The following PLCH1 variants were observed in gnomAD, a reference collection of about 807,000 sequenced individuals.
The protein encoded by PLCH1 is phospholipase C eta 1, also known as 1-phosphatidylinositol 4,5-bisphosphate phosphodiesterase eta-1.
Under a neutral mutation model 126.7 loss-of-function variants are expected in PLCH1, and 60 were observed. That is an observed-to-expected ratio of 0.47 (90% CI 0.38 to 0.59). PLCH1 has a LOEUF of 0.59. PLCH1 is among the 20% of genes least tolerant of loss of function. The pLI is 0.00. For synonymous variants in PLCH1, 719 were observed against 734.9 expected (o/e 0.98, Z 0.35); for missense variants, 1,723 against 2,040.0 (o/e 0.84, Z 2.99).
intron 2 of PLCH1, among the ~76,000 whole-genome samples, chr3:155,639,256 C>T (rs1229298083): frequency 3.3e-5 from 5 of 151,904 alleles, no homozygotes; most frequent in East Asian, 3.9e-4. Context: ...CCCAGGAGTT[C>T]GAGACCAGCC....
At chr3:155,700,040 C>A (rs1241314816) in intron 2 of PLCH1, among the ~76,000 whole-genome samples, 1 of 152,186 alleles carries the variant, frequency 6.6e-6, no homozygotes, top group Admixed American at 6.5e-5. Context: ...ACACAGAGAC[C>A]TCACACCTTG....
At chr3:155,581,612 G>C (rs1255890681) in intron 6 of PLCH1, among the ~76,000 whole-genome samples, 1 of 152,112 alleles carries the variant, frequency 6.6e-6, no homozygotes, top group Non-Finnish European at 1.5e-5. Context: ...AATCAATAGA[G>C]ACAGAAATAT....
In PLCH1 at chr3:155,673,745, G is replaced by A. The variant is rs16825245; in HGVS notation, c.79+30401C>T. On this transcript the variant is annotated intron_variant, in intron 2 of 22. Coordinates refer to ENST00000460012, the MANE Select transcript of PLCH1 (RefSeq NM_014996.4). Reference sequence around the variant, plus strand: ...CTTCCTGCTCAGAAATCTAGGACTCGCTCTTACGTTGACATCTACCCTTCC... The same window carrying A: ...CTTCCTGCTCAGAAATCTAGGACTCACTCTTACGTTGACATCTACCCTTCC... Among the ~76,000 whole-genome samples, 773 of 152,138 alleles carry A rather than the reference G, an allele frequency of 5.1e-3. 22 individuals are homozygous for A. The highest frequency in any genetic ancestry group is 0.033 in the East Asian group (169 of 5,174).
intron 21 of PLCH1, among the ~76,000 whole-genome samples, chr3:155,469,551 G>C (rs1247429106): frequency 6.6e-6 from 1 of 152,250 alleles, no homozygotes; most frequent in Non-Finnish European, 1.5e-5. Flanking sequence ...CAGCCAGGAA[G>C]CTCAAACTGG....
intron 2 of PLCH1, among the ~76,000 whole-genome samples, chr3:155,689,451 A>G (rs1048009688): frequency 2.0e-5 from 3 of 152,124 alleles, no homozygotes; most frequent in Admixed American, 6.5e-5. Flanking sequence ...CCAGGGACCA[A>G]TTCTGGAGAA....
intron 2 of PLCH1, among the ~76,000 whole-genome samples, chr3:155,703,758 GCCA>G (rs1746447186): frequency 6.6e-6 from 1 of 152,160 alleles, no homozygotes; most frequent in East Asian, 1.9e-4. Flanking sequence ...AATTTGGAAG[GCCA>G]TGCTATGCTG....
chr3:155,467,537 G>A (rs1267963716), intron 21 of PLCH1, among the ~76,000 whole-genome samples: 1 of 151,008 alleles, frequency 6.6e-6, no homozygotes, highest in Non-Finnish European at 1.5e-5. Context: ...TCATGCCATT[G>A]CACTCCAGCA....
downstream of PLCH1, among the ~76,000 whole-genome samples, chr3:155,477,775 G>C (rs1229180452): frequency 6.6e-6 from 1 of 152,074 alleles, no homozygotes; most frequent in Non-Finnish European, 1.5e-5. Flanking sequence ...TGGAGAAAAG[G>C]GAACCATTGT....
At chr3:155,578,910 C>T (rs1313776751) in intron 6 of PLCH1, among the ~76,000 whole-genome samples, 2 of 152,094 alleles carry the variant, frequency 1.3e-5, no homozygotes, top group Non-Finnish European at 2.9e-5. Context: ...TTAAAGTGAC[C>T]ATCAGCACCT....
Position 155,497,427 on chromosome 3 carries a change from AC to A in PLCH1, c.1797-11del. The A allele has an allele frequency of 6.3e-7, 1 of 1,578,714 alleles. No homozygotes were observed. Among genetic ancestry groups the A allele is most frequent in the Non-Finnish European group, 8.7e-7 (1 of 1,147,976 alleles). On this transcript the variant is annotated splice_polypyrimidine_tract_variant and intron_variant, in intron 14 of 22. Transcript: ENST00000460012. ...CCTTCGGCGACCCAATCTGTGAAGT[AC>A]CCACAGAGGATGCATGACATTTTGG... is the stretch of plus-strand genomic sequence containing the variant.
intron 2 of PLCH1, among the ~76,000 whole-genome samples, chr3:155,653,718 C>T (rs1741046254): frequency 6.6e-6 from 1 of 152,140 alleles, no homozygotes; most frequent in Non-Finnish European, 1.5e-5. Flanking sequence ...CTTCTAATTT[C>T]ACCAATAGAA....
chr3:155,521,241 A>G (rs940500568), intron 11 of PLCH1, among the ~76,000 whole-genome samples: 3 of 152,156 alleles, frequency 2.0e-5, no homozygotes, highest in South Asian at 2.1e-4. Flanking sequence ...AGTACACTAT[A>G]TATTTTACTT....
chr3:155,696,960 C>T (rs752997128), intron 2 of PLCH1, among the ~76,000 whole-genome samples: 1 of 152,212 alleles, frequency 6.6e-6, no homozygotes, highest in Non-Finnish European at 1.5e-5. Context: ...TGTCACTTCT[C>T]ATCCACCTGG....
At chr3:155,515,642 C>A (rs1720209780) in intron 11 of PLCH1, among the ~76,000 whole-genome samples, 1 of 152,224 alleles carries the variant, frequency 6.6e-6, no homozygotes, top group Admixed American at 6.5e-5. Flanking sequence ...GATATAGATT[C>A]TCTCAAAGTC....
At chr3:155,625,990 G>A (rs78151696) in intron 2 of PLCH1, among the ~76,000 whole-genome samples, 2 of 152,152 alleles carry the variant, frequency 1.3e-5, no homozygotes, top group Non-Finnish European at 2.9e-5. Flanking sequence ...ATGCCCATCA[G>A]TGATAGACTG....
Position 155,561,973 on chromosome 3 carries a change from G to A in PLCH1, c.1069+2942C>T, listed in dbSNP as rs566266265. 2.0e-4 allele frequency among the ~76,000 whole-genome samples: 30 copies of A among 152,220 alleles called. 2 individuals are homozygous for A. The South Asian group carries it at 6.0e-3, about 31-fold the overall frequency. ...ATTCTTGCAGTTTTAGTAGAGATGCGGTTTCACCATGTTGGCCAGGCTGGT... is the reference window on the plus strand; with the variant it reads ...ATTCTTGCAGTTTTAGTAGAGATGCAGTTTCACCATGTTGGCCAGGCTGGT... On this transcript the variant is annotated intron_variant, in intron 8 of 22. Transcript: ENST00000460012.
At chr3:155,673,816 T>C (rs1371917551) in intron 2 of PLCH1, among the ~76,000 whole-genome samples, 1 of 152,222 alleles carries the variant, frequency 6.6e-6, no homozygotes, top group East Asian at 1.9e-4. Context: ...ATGTAGGCTA[T>C]ACTAGGCCAT....
chr3:155,486,232 A>T (rs1284439309), intron 21 of PLCH1: 1 of 1,447,904 alleles, frequency 6.9e-7, no homozygotes, highest in Admixed American at 2.0e-5. Flanking sequence ...ACAAAACACA[A>T]CAAAACACAA....
intron 10 of PLCH1, among the ~76,000 whole-genome samples, chr3:155,536,575 C>T (rs991018247): frequency 5.3e-5 from 8 of 152,034 alleles, no homozygotes; most frequent in Non-Finnish European, 1.2e-4. Flanking sequence ...GAAGAAAGAA[C>T]TTCAGAGCTT....
Sources: gnomAD v4.1 joint callset for allele counts (sites outside exome capture counted in the v4.1 genomes callset) on GRCh38, gnomAD v4.1.1 for gene constraint, MANE v1.5 for transcripts, NCBI Gene and HGNC (gene_info 2026-07-23, HGNC 2026-07-21) for gene names.